The following CHN1 variants were observed in gnomAD, a reference collection of about 807,000 sequenced individuals.
CHN1 encodes N-chimaerin.
In CHN1, 37 loss-of-function variants were observed where a neutral mutation model predicts 59.5. The observed-to-expected ratio is 0.62, with a 90% CI of 0.48 to 0.82. The LOEUF (loss-of-function observed/expected upper bound fraction) is 0.82. Among genes scored for constraint, CHN1 ranks in the 40% least tolerant of loss-of-function variants. CHN1 has a pLI of 0.00. For synonymous variants in CHN1, 206 were observed against 200.4 expected (o/e 1.03, Z -0.24); for missense variants, 469 against 571.0 (o/e 0.82, Z 1.82).
At chr2:174,903,742 A>G (rs1434394565) in intron 5 of CHN1, among the ~76,000 whole-genome samples, 1 of 152,192 alleles carries the variant, frequency 6.6e-6, no homozygotes, top group Non-Finnish European at 1.5e-5. Flanking sequence ...AAGTACAAAT[A>G]ATTACCAAGT....
rs71031080 is a variant in CHN1 at position 175,000,137 on chromosome 2, ATTT to A, written c.19+4754_19+4756del. ...AGGCATGCATCACCACACCTGGCTA[ATTT>A]TTTTTTTTTTTTTTTTTTGAGATGG... is the stretch of plus-strand genomic sequence containing the variant. On this transcript the variant is annotated intron_variant, in intron 1 of 12. Transcript: ENST00000409900. Among the ~76,000 whole-genome samples the A allele has an allele frequency of 7.2e-3, 809 of 111,962 alleles. 11 individuals are homozygous for A. The highest frequency in any genetic ancestry group is 0.029 in the African/African-American group (765 of 26,224). The allele number at this position is 111,962 out of a possible 152,430, so 73.5% of individuals were successfully genotyped here.
chr2:174,969,984 C>G (rs541834864), intron 1 of CHN1, among the ~76,000 whole-genome samples: 1 of 152,248 alleles, frequency 6.6e-6, no homozygotes, highest in South Asian at 2.1e-4. Context: ...GACATTTGTA[C>G]TGGTGGTACA....
chr2:174,802,479 C>T (rs1225712854), intron 11 of CHN1, among the ~76,000 whole-genome samples: 1 of 152,208 alleles, frequency 6.6e-6, no homozygotes, highest in East Asian at 1.9e-4. Context: ...GAAGGCACTT[C>T]CAAATGTTTT....
intron 3 of CHN1, among the ~76,000 whole-genome samples, chr2:174,938,296 G>A (rs761727883): frequency 2.0e-5 from 3 of 152,030 alleles, no homozygotes; most frequent in Non-Finnish European, 4.4e-5. Flanking sequence ...TTCTTCCTTC[G>A]AAAAGTATTT....
chr2:174,859,203 A>C (rs1686997078), intron 6 of CHN1, among the ~76,000 whole-genome samples: 1 of 152,138 alleles, frequency 6.6e-6, no homozygotes, highest in Non-Finnish European at 1.5e-5. Context: ...TGGCTCTCCA[A>C]GCTCCTCAGA....
At chr2:174,973,442 A>G (rs1284752478) in intron 1 of CHN1, among the ~76,000 whole-genome samples, 1 of 152,202 alleles carries the variant, frequency 6.6e-6, no homozygotes, top group African/African-American at 2.4e-5. Context: ...GCAGGAGGTG[A>G]CAAAATATAC....
intron 6 of CHN1, 68 bp downstream of exon 6, chr2:174,877,772 G>T: frequency 7.1e-7 from 1 of 1,410,534 alleles, no homozygotes; most frequent in Non-Finnish European, 9.7e-7. Context: ...AATCTCTTCT[G>T]GCAATAATGG....
intron 6 of CHN1, among the ~76,000 whole-genome samples, chr2:174,862,598 T>C (rs1687104459): frequency 6.6e-6 from 1 of 152,234 alleles, no homozygotes; most frequent in South Asian, 2.1e-4. Flanking sequence ...CCCAAAGTGC[T>C]GGGATTACTG....
Position 174,878,075 on chromosome 2 carries a change from A to G in CHN1, c.314T>C (p.Val105Ala), listed in dbSNP as rs1482784115. The change falls in exon 6 of 13, where the codon GTT (valine) becomes GCT (alanine). Residue 105 changes from valine to alanine, a missense_variant. Around this residue, in one of 5 missense-constraint regions of CHN1, gnomAD observed 152 missense variants for 166.1 expected, o/e 0.92. Coordinates refer to ENST00000409900, the MANE Select transcript of CHN1 (RefSeq NM_001822.7). ...GATGGACTCAAAGCGTTTCTCCCCA[A>G]CAAAGTGCTTGCCATCGTAGTAGAG... is the stretch of plus-strand genomic sequence containing the variant. ...FRLYYDGKHF[V>A]GEKRFESIHD... 2 of 1,611,698 alleles carry G rather than the reference A, an allele frequency of 1.2e-6. No individual in the cohort carries two copies. The highest frequency in any genetic ancestry group is 2.2e-5 in the South Asian group (2 of 90,656).
chr2:174,987,790 T>C (rs1691398128), intron 1 of CHN1, among the ~76,000 whole-genome samples: 1 of 152,088 alleles, frequency 6.6e-6, no homozygotes, highest in Non-Finnish European at 1.5e-5. Context: ...ATTTCACTTT[T>C]TAGGTTGAAG....
At chr2:174,875,285 C>T (rs1489476120) in intron 6 of CHN1, among the ~76,000 whole-genome samples, 1 of 152,146 alleles carries the variant, frequency 6.6e-6, no homozygotes, top group African/African-American at 2.4e-5. Flanking sequence ...TAGAAAATGC[C>T]TTATCTCATA....
chr2:174,870,742 T>G (rs1038795542), intron 6 of CHN1, among the ~76,000 whole-genome samples: 6 of 152,218 alleles, frequency 3.9e-5, no homozygotes, highest in Non-Finnish European at 8.8e-5. Flanking sequence ...AATAAAGATT[T>G]TGACATCAAT....
chr2:174,806,283 C>G (rs1008837066), intron 11 of CHN1, among the ~76,000 whole-genome samples: 3 of 152,112 alleles, frequency 2.0e-5, no homozygotes, highest in African/African-American at 4.8e-5. Context: ...GCAGTCACCC[C>G]CTTCCAGCTT....
intron 1 of CHN1, among the ~76,000 whole-genome samples, chr2:174,961,657 T>C (rs1049968576): frequency 6.6e-6 from 1 of 151,946 alleles, no homozygotes. Context: ...GCCTATTATA[T>C]CTTAACATTT....
At chr2:174,905,428 T>C (rs1688516107) in intron 5 of CHN1, among the ~76,000 whole-genome samples, 1 of 152,176 alleles carries the variant, frequency 6.6e-6, no homozygotes, top group African/African-American at 2.4e-5. Flanking sequence ...AAGCCAAAAA[T>C]ATCTTGAAAT....
chr2:174,878,900 T>C (rs1687653582), intron 5 of CHN1, among the ~76,000 whole-genome samples: 1 of 152,224 alleles, frequency 6.6e-6, no homozygotes, highest in Non-Finnish European at 1.5e-5. Context: ...AATTTCAGTA[T>C]TTTGCTTCCT....
intron 5 of CHN1, among the ~76,000 whole-genome samples, chr2:174,911,661 T>C (rs565973257): frequency 7.2e-5 from 11 of 152,326 alleles, no homozygotes; most frequent in African/African-American, 1.9e-4. Context: ...GAAAACTTCT[T>C]TTCTGACTGC....
chr2:174,974,321 C>T (rs551298878), intron 1 of CHN1, among the ~76,000 whole-genome samples: 1 of 152,294 alleles, frequency 6.6e-6, no homozygotes, highest in South Asian at 2.1e-4. Flanking sequence ...ATATCGTCTG[C>T]ATGCTTTACT....
At chr2:174,965,224 T>G (rs1388452314) in intron 1 of CHN1, among the ~76,000 whole-genome samples, 1 of 152,128 alleles carries the variant, frequency 6.6e-6, no homozygotes, top group Non-Finnish European at 1.5e-5. Context: ...TCCAATTAGA[T>G]CCTATTTACA....
Sources: allele counts gnomAD v4.1 joint callset (sites outside exome capture counted in the v4.1 genomes callset), GRCh38; gene constraint gnomAD v4.1.1; regional missense constraint gnomAD v4.1.1; transcripts MANE v1.5; gene names NCBI Gene and HGNC (gene_info 2026-07-23, HGNC 2026-07-21).